The following NEURL1 variants were observed in gnomAD, a reference collection of about 807,000 sequenced individuals.
NEURL1 encodes the protein E3 ubiquitin-protein ligase NEURL1.
NEURL1 carries 26 observed loss-of-function variants against 41.2 expected under a neutral mutation model. That is an observed-to-expected ratio of 0.63 (90% confidence interval 0.46 to 0.87). The LOEUF is 0.87. NEURL1 is among the 40% of genes least tolerant of loss of function. NEURL1 has a pLI of 0.00. For synonymous variants in NEURL1, 400 were observed against 402.3 expected, an observed-to-expected ratio of 0.99 and a Z score of 0.07; for missense variants, 761 against 871.1, an observed-to-expected ratio of 0.87 and a Z score of 1.59.
intron 3 of NEURL1, among the ~76,000 whole-genome samples, chr10:103,578,791 A>AG (rs2035722599): frequency 6.6e-6 from 1 of 152,134 alleles, no homozygotes; most frequent in African/African-American, 2.4e-5. Context: ...GGGTGCTGGG[A>AG]GGGGTGGAGA....
intron 1 of NEURL1, among the ~76,000 whole-genome samples, chr10:103,527,395 A>T (rs1315700910): frequency 6.6e-6 from 1 of 151,378 alleles, no homozygotes; most frequent in African/African-American, 2.4e-5. Flanking sequence ...CCCAGGTTCA[A>T]GCGATTCTCC....
intron 3 of NEURL1, among the ~76,000 whole-genome samples, chr10:103,575,517 G>A (rs954540043): frequency 2.0e-5 from 3 of 152,200 alleles, no homozygotes; most frequent in Non-Finnish European, 4.4e-5. Context: ...AGGGTAGCTG[G>A]CACATAGTAG....
chr10:103,549,726 C>A (rs548420095), intron 1 of NEURL1, among the ~76,000 whole-genome samples: 4 of 152,316 alleles, frequency 2.6e-5, no homozygotes, highest in Non-Finnish European at 5.9e-5. Flanking sequence ...CTCTTCCTGG[C>A]CTCCCCAGAC....
chr10:103,494,401 T>A lies in NEURL1; in HGVS notation c.14T>A (p.Phe5Tyr). 6.3e-7 allele frequency: 1 copy of A among 1,594,094 alleles called. No homozygotes were observed. Among genetic ancestry groups the A allele is most frequent in the Non-Finnish European group, 8.5e-7 (1 of 1,171,026 alleles). MGNN[F>Y]SSIPSLPRGN... Reference sequence around the variant, plus strand: ...GGGCCGGATGCCATGGGTAACAACTTCTCCAGTATCCCCTCGCTGCCCCGA... The same window carrying A: ...GGGCCGGATGCCATGGGTAACAACTACTCCAGTATCCCCTCGCTGCCCCGA... The change falls in exon 1 of 6, where the codon TTC becomes TAC. Residue 5 changes from phenylalanine (F) to tyrosine (Y), a missense_variant. Around this residue, in one of 5 missense-constraint regions of NEURL1, gnomAD observed 94 missense variants for 96.6 expected, o/e 0.97. Transcript: ENST00000369780.
At chr10:103,584,433 C>T in intron 3 of NEURL1, 103 bp from the exon 4 acceptor site, 1 of 651,032 alleles carries the variant, frequency 1.5e-6, no homozygotes, top group Non-Finnish European at 2.2e-6. Context: ...CGCCATTAGC[C>T]ATCCGGGATT....
intron 1 of NEURL1, among the ~76,000 whole-genome samples, chr10:103,527,210 G>T (rs896517228): frequency 3.3e-5 from 5 of 151,714 alleles, no homozygotes; most frequent in Admixed American, 6.6e-5. Context: ...TGTCTTTTTA[G>T]TATGCTATTG....
At chr10:103,537,025 T>G (rs926600898) in intron 1 of NEURL1, among the ~76,000 whole-genome samples, 2 of 152,234 alleles carry the variant, frequency 1.3e-5, no homozygotes, top group Non-Finnish European at 2.9e-5. Flanking sequence ...GTATTTGGTT[T>G]TTTTGTGAGT....
intron 1 of NEURL1, among the ~76,000 whole-genome samples, chr10:103,525,119 T>TA (rs1185958128): frequency 1.3e-5 from 2 of 152,142 alleles, no homozygotes; most frequent in African/African-American, 4.8e-5. Context: ...TCATCAGTGT[T>TA]TAACAGTTCT....
Position 103,525,789 on chromosome 10 carries a change from A to G in NEURL1, c.85+31317A>G, listed in dbSNP as rs190031576. ...TAGTACTTCCACTACTGTGGTGAATAAAAGTGGTAATAGTGGGCTTTCTTG... is the reference window on the plus strand; with the variant it reads ...TAGTACTTCCACTACTGTGGTGAATGAAAGTGGTAATAGTGGGCTTTCTTG... On this transcript the variant is annotated intron_variant, in intron 1 of 5. Transcript: ENST00000369780. Among the ~76,000 whole-genome samples the G allele has an allele frequency of 9.2e-5, 14 of 152,332 alleles. No individual in the cohort carries two copies. In the East Asian group the frequency reaches 2.5e-3, roughly 27 times the overall value.
chr10:103,578,928 G>A (rs911276152), intron 3 of NEURL1, among the ~76,000 whole-genome samples: 2 of 152,202 alleles, frequency 1.3e-5, no homozygotes, highest in Non-Finnish European at 1.5e-5. Flanking sequence ...CCCAAACAGG[G>A]GCCAGCAGAT....
chr10:103,530,839 C>T (rs1315952769), intron 1 of NEURL1, among the ~76,000 whole-genome samples: 1 of 152,108 alleles, frequency 6.6e-6, no homozygotes, highest in Non-Finnish European at 1.5e-5. Flanking sequence ...CACACCTGGC[C>T]ATGATTTCGG....
intron 1 of NEURL1, among the ~76,000 whole-genome samples, chr10:103,509,631 C>A (rs115461226): frequency 2.6e-5 from 4 of 152,154 alleles, no homozygotes; most frequent in African/African-American, 7.2e-5. Context: ...TGTCATTGAA[C>A]GAAATGTCAT....
intron 1 of NEURL1, among the ~76,000 whole-genome samples, chr10:103,552,634 T>C (rs768345543): frequency 8.5e-5 from 13 of 152,212 alleles, no homozygotes; most frequent in Non-Finnish European, 1.5e-4. Flanking sequence ...TAAATGTCTG[T>C]TTCCTTCTGG....
chr10:103,590,360 C>T lies in NEURL1; in HGVS notation c.1713C>T (p.Tyr571=), dbSNP rs2036014761. The T allele has an allele frequency of 6.2e-7, 1 of 1,613,820 alleles. No individual in the cohort carries two copies. Among genetic ancestry groups the T allele is most frequent in the Non-Finnish European group, 8.5e-7 (1 of 1,179,800 alleles). ...RRPIKDIIKT[Y]RSS Reference sequence around the variant, plus strand: ...CCATCAAGGACATCATCAAGACCTACCGCAGCTCCTAGCCCGTTGCGGTGG... The same window carrying T: ...CCATCAAGGACATCATCAAGACCTATCGCAGCTCCTAGCCCGTTGCGGTGG... Residue 571 remains tyrosine, a synonymous_variant, in exon 6 of 6, where the codon TAC becomes TAT. Transcript: ENST00000369780.
At chr10:103,529,756 A>G (rs538179359) in intron 1 of NEURL1, among the ~76,000 whole-genome samples, 19 of 152,338 alleles carry the variant, frequency 1.2e-4, no homozygotes, top group African/African-American at 4.6e-4. Context: ...AAAGCTGTAA[A>G]TAATTGAAAA....
At chr10:103,532,305 T>C (rs549028804) in intron 1 of NEURL1, among the ~76,000 whole-genome samples, 2 of 152,340 alleles carry the variant, frequency 1.3e-5, no homozygotes, top group South Asian at 2.1e-4. Context: ...TTTTGTTTTT[T>C]TGGTAGTGAT....
At chr10:103,505,986 G>A (rs2033937535) in intron 1 of NEURL1, among the ~76,000 whole-genome samples, 1 of 152,106 alleles carries the variant, frequency 6.6e-6, no homozygotes. Flanking sequence ...GAGGAGAGAG[G>A]GCCCTTCTTG....
rs2034902992 is a variant in NEURL1, at chr10:103,545,267, C to T, written c.86-25605C>T. Among the ~76,000 whole-genome samples, 1 of 152,188 alleles carries T rather than the reference C, an allele frequency of 6.6e-6. No individual in the cohort carries two copies. Among genetic ancestry groups the T allele is most frequent in the Non-Finnish European group, 1.5e-5 (1 of 68,022 alleles). Reference sequence around the variant, plus strand: ...CAGTCCTGACAGCCACCTTTGGTGGCCACACCTGAACTCTGGCTCAGGAGG... The same window carrying T: ...CAGTCCTGACAGCCACCTTTGGTGGTCACACCTGAACTCTGGCTCAGGAGG... On this transcript the variant is annotated intron_variant, in intron 1 of 5. Coordinates refer to ENST00000369780, the MANE Select transcript of NEURL1 (RefSeq NM_004210.5). This position sits in a 1 kb window ranked among gnomAD's most constrained non-coding sequence, Gnocchi z 4.5.
intron 1 of NEURL1, among the ~76,000 whole-genome samples, chr10:103,533,816 T>G (rs567378911): frequency 0.016 from 2,429 of 151,918 alleles, 18 homozygotes; most frequent in Non-Finnish European, 0.019. Flanking sequence ...GATTACAGGC[T>G]TGAGCCACCG....
Sources: allele counts gnomAD v4.1 joint callset (sites outside exome capture counted in the v4.1 genomes callset), GRCh38; gene constraint gnomAD v4.1.1; regional missense constraint gnomAD v4.1.1; non-coding constraint Gnocchi (gnomAD v3.1); transcripts MANE v1.5; gene names NCBI Gene and HGNC (gene_info 2026-07-23, HGNC 2026-07-21).